FRMD1: variants seen among roughly 807,000 people sequenced by gnomAD.
FRMD1 encodes the protein FERM domain containing 1.
FRMD1 carries 51 observed loss-of-function variants against 54.9 expected under a neutral mutation model. That is an observed-to-expected ratio of 0.93 (90% CI 0.74 to 1.17). The LOEUF (loss-of-function observed/expected upper bound fraction) is 1.17. FRMD1 is among the 50% of genes most tolerant of loss of function. The probability of loss-of-function intolerance (pLI) is 0.00; values close to 1 mark genes in which losing one functional copy is unlikely to be tolerated. For missense variants in FRMD1, 729 were observed against 743.0 expected, an observed-to-expected ratio of 0.98 and a Z score of 0.22; for synonymous variants, 324 against 306.4, an observed-to-expected ratio of 1.06 and a Z score of -0.60.
At chr6:168,067,070 T>G (rs1219502603) in intron 3 of FRMD1, 5 of 714,248 alleles carry the variant, frequency 7.0e-6, no homozygotes, top group Non-Finnish European at 1.3e-5. Flanking sequence ...CGGGCACACC[T>G]GCTTGCAGCC....
Position 168,056,586 on chromosome 6 carries a change from G to A in FRMD1, c.*511C>T, listed in dbSNP as rs577713525. 6.6e-6 allele frequency: 1 copy of A among 152,464 alleles called. No homozygotes were observed. Among genetic ancestry groups the A allele is most frequent in the Non-Finnish European group, 1.5e-5 (1 of 68,252 alleles). 9.4% of individuals were successfully genotyped at this position (152,464 alleles called of 1,614,324 possible). A position where few individuals can be genotyped will look rare whatever the true frequency, so the allele number is the denominator to read the frequency against. On this transcript the variant is annotated 3_prime_UTR_variant, in exon 11 of 11. Transcript: ENST00000283309. ...GCAGGCCCAGCGCTTGCAAACAGGA[G>A]TTGCAGAGAGGGGTTCAGGTCTGGG...
rs12201551 is a variant in FRMD1 at position 168,059,519 on chromosome 6, A to G, written c.1343-331T>C. Among the ~76,000 whole-genome samples, 2,436 of 152,232 alleles carry G rather than the reference A, an allele frequency of 0.016. 61 individuals are homozygous for G. Among genetic ancestry groups the G allele is most frequent in the Admixed American group, 0.051 (784 of 15,300 alleles). ...AGGGCAATGGCGGACACAGTGGCTT[A>G]GTGACAGGAATGCCTGGCCCTGGGA... On this transcript the variant is annotated intron_variant, in intron 9 of 10. Coordinates refer to ENST00000283309, the MANE Select transcript of FRMD1 (RefSeq NM_024919.6). The surrounding 1 kb of genome is among the most constrained non-coding windows in gnomAD (Gnocchi z 4.4).
At chr6:168,076,379 A>G (rs1300796916) in intron 1 of FRMD1, among the ~76,000 whole-genome samples, 5 of 152,202 alleles carry the variant, frequency 3.3e-5, no homozygotes, top group African/African-American at 1.2e-4. Flanking sequence ...CCTTATTGAT[A>G]TGGTTTGGCT....
chr6:168,089,887 C>T (rs1031770702), intron 1 of FRMD1, among the ~76,000 whole-genome samples: 1 of 152,222 alleles, frequency 6.6e-6, no homozygotes, highest in Non-Finnish European at 1.5e-5. Flanking sequence ...GCACGAATCC[C>T]GCTGGCGCTG....
chr6:168,078,393 G>A (rs1800684698), intron 1 of FRMD1, among the ~76,000 whole-genome samples: 1 of 152,110 alleles, frequency 6.6e-6, no homozygotes, highest in African/African-American at 2.4e-5. Context: ...GTCTATCAGG[G>A]ATGTTTCCTT....
At chr6:168,061,746 C>G in intron 8 of FRMD1, 61 bp downstream of exon 8, 1 of 1,474,638 alleles carries the variant, frequency 6.8e-7, no homozygotes, top group Non-Finnish European at 9.1e-7. Flanking sequence ...CCCAGTGTGC[C>G]CAGCCTAGCC....
intron 2 of FRMD1, among the ~76,000 whole-genome samples, chr6:168,072,167 C>T (rs368006743): frequency 1.3e-5 from 2 of 152,212 alleles, no homozygotes; most frequent in African/African-American, 4.8e-5. Context: ...GAACCTGCCC[C>T]GCCTGGGTGA....
chr6:168,067,292 C>T, intron 3 of FRMD1, 75 bp downstream of exon 3: 1 of 964,642 alleles, frequency 1.0e-6, no homozygotes, highest in East Asian at 2.4e-5. Context: ...TGCTCTCTCC[C>T]ACCCCACGTG....
rs965289652 is a variant in FRMD1, at chr6:168,056,915, T to G, written c.*182A>C. The G allele has an allele frequency of 1.1e-4, 74 of 646,096 alleles. No individual in the cohort carries two copies. In the African/African-American group the frequency reaches 1.3e-3, roughly 11 times the overall value. 40.0% of individuals were successfully genotyped at this position (646,096 alleles called of 1,614,324 possible). A position where few individuals can be genotyped will look rare whatever the true frequency, so the allele number is the denominator to read the frequency against. ...ACAGGCATGAGGTGCGGGACCTGTT[T>G]GTTACCTCCCAGGTTGATGTCAGAG... is the stretch of plus-strand genomic sequence containing the variant. On this transcript the variant is annotated 3_prime_UTR_variant, in exon 11 of 11. Coordinates refer to ENST00000283309, the MANE Select transcript of FRMD1 (RefSeq NM_024919.6).
Position 168,060,896 on chromosome 6 carries a change from C to A in FRMD1, c.1207G>T (p.Ala403Ser), listed in dbSNP as rs1251420410. 2.5e-6 allele frequency: 4 copies of A among 1,613,846 alleles called. No individual in the cohort carries two copies. The South Asian group carries it at 4.4e-5, about 18-fold the overall frequency. Residue 403 changes from alanine to serine, a missense_variant, in exon 9 of 11, where the codon GCC becomes TCC. Ala to Ser is a moderately conservative substitution (Grantham distance 99). Transcript: ENST00000283309. ...CTGGATTCCCTGAGCCAGGAGTTGG[C>A]CTTGATGCCTGACGTGTAGGAACTG... Reference protein sequence around the residue: ...HGSSYTSGIKANSWLRESREM... With the variant: ...HGSSYTSGIKSNSWLRESREM...
At chr6:168,073,379 G>T (rs560727875) in intron 2 of FRMD1, among the ~76,000 whole-genome samples, 2 of 152,292 alleles carry the variant, frequency 1.3e-5, no homozygotes, top group South Asian at 2.1e-4. Flanking sequence ...GTCCACTCAG[G>T]GTCCCCTGGG....
chr6:168,071,062 T>G (rs903717371), intron 2 of FRMD1, among the ~76,000 whole-genome samples: 3 of 152,178 alleles, frequency 2.0e-5, no homozygotes, highest in African/African-American at 7.2e-5. Flanking sequence ...CTGCTACCCT[T>G]GACACTGGTG....
At chr6:168,075,849 T>C (rs1430322523) in intron 1 of FRMD1, 1 of 1,524,210 alleles carries the variant, frequency 6.6e-7, no homozygotes, top group Admixed American at 2.0e-5. Flanking sequence ...GTTTCCGGCG[T>C]CCCGTGTCCA....
chr6:168,087,317 C>T (rs1430381511), intron 1 of FRMD1, among the ~76,000 whole-genome samples: 2 of 152,238 alleles, frequency 1.3e-5, no homozygotes, highest in Non-Finnish European at 2.9e-5. Flanking sequence ...GATCTGCCAA[C>T]CTCGCCTCCC....
chr6:168,079,220 A>T, upstream of FRMD1: 1 of 1,420,032 alleles, frequency 7.0e-7, no homozygotes, highest in Non-Finnish European at 9.2e-7. Context: ...ATTGAGAGGG[A>T]AGCCTGGGCT....
chr6:168,075,149 T>C (rs1209513003), intron 2 of FRMD1, 96 bp downstream of exon 2: 4 of 975,110 alleles, frequency 4.1e-6, no homozygotes, highest in Non-Finnish European at 6.6e-6. Flanking sequence ...TGTATAACTG[T>C]GTACATTATG....
intron 1 of FRMD1, 104 bp from the exon 2 acceptor site, chr6:168,075,439 T>A: frequency 1.1e-6 from 1 of 869,930 alleles, no homozygotes; most frequent in Non-Finnish European, 1.9e-6. Context: ...GACGACCCAG[T>A]CAGGCATCCC....
chr6:168,069,535 T>C (rs1414723643), intron 2 of FRMD1, among the ~76,000 whole-genome samples: 1 of 152,208 alleles, frequency 6.6e-6, no homozygotes, highest in East Asian at 1.9e-4. Context: ...TGTTTAGCAA[T>C]GTTCGCTAAA....
rs1799711503 is a variant in FRMD1 at position 168,061,164 on chromosome 6, AGG to A, written c.1046-109_1046-108del. Reference sequence around the variant, plus strand: ...GAAATGCACACCCACAGCCCAGATGAGGACGTGGAACAGGCAGGGAGACCAGG... The same window carrying A: ...GAAATGCACACCCACAGCCCAGATGAACGTGGAACAGGCAGGGAGACCAGG... On this transcript the variant is annotated intron_variant, in intron 8 of 10. Transcript: ENST00000283309. 3.5e-6 allele frequency: 4 copies of A among 1,135,942 alleles called. No homozygotes were observed. In the African/African-American group the frequency reaches 6.3e-5, roughly 18 times the overall value. The allele number at this position is 1,135,942 out of a possible 1,614,324, so 70.4% of individuals were successfully genotyped here.
Sources: allele counts gnomAD v4.1 joint callset (sites outside exome capture counted in the v4.1 genomes callset), GRCh38; gene constraint gnomAD v4.1.1; non-coding constraint Gnocchi (gnomAD v3.1); transcripts MANE v1.5; gene names NCBI Gene and HGNC (gene_info 2026-07-23, HGNC 2026-07-21).